NFIA: variants seen among roughly 807,000 people sequenced by gnomAD.
NFIA encodes nuclear factor I A, also known as nuclear factor 1 A-type.
In NFIA, 8 loss-of-function variants were observed where a neutral mutation model predicts 62.8. The observed-to-expected ratio is 0.13, with a 90% CI of 0.07 to 0.23. The LOEUF (loss-of-function observed/expected upper bound fraction) is 0.23, where lower values mean the gene tolerates loss of function less well. Ranked by LOEUF, NFIA falls within the 10% of genes least tolerant of loss-of-function variation. NFIA has a pLI of 1.00. For missense variants in NFIA, 410 were observed against 642.1 expected (o/e 0.64, Z 3.91); for synonymous variants, 235 against 238.1 (o/e 0.99, Z 0.12).
At chr1:61,376,192 A>C (rs1664141957) in intron 6 of NFIA, among the ~76,000 whole-genome samples, 1 of 152,116 alleles carries the variant, frequency 6.6e-6, no homozygotes, top group Admixed American at 6.6e-5. Flanking sequence ...CACATTACTG[A>C]ATTCTAAATA....
At chr1:61,314,927 G>T (rs942384753) in intron 3 of NFIA, among the ~76,000 whole-genome samples, 1 of 152,114 alleles carries the variant, frequency 6.6e-6, no homozygotes, top group Non-Finnish European at 1.5e-5. Context: ...TTTGATATAT[G>T]TTCTGAGTTC....
intron 2 of NFIA, among the ~76,000 whole-genome samples, chr1:61,233,637 A>G (rs1480603906): frequency 6.6e-6 from 1 of 152,174 alleles, no homozygotes; most frequent in African/African-American, 2.4e-5. Flanking sequence ...ACCTTGAACA[A>G]ATTCCTTAAT....
intron 2 of NFIA, among the ~76,000 whole-genome samples, chr1:61,186,835 A>G (rs1004762927): frequency 6.6e-6 from 1 of 152,218 alleles, no homozygotes; most frequent in Non-Finnish European, 1.5e-5. Context: ...CCTTGATTTT[A>G]CAGAGAAGGA....
upstream of NFIA, chr1:61,077,411 C>T (rs1327728338): frequency 2.5e-6 from 1 of 407,752 alleles, no homozygotes; most frequent in Non-Finnish European, 4.4e-6. Flanking sequence ...GGAGAGAGCG[C>T]GCCTTGCAAT....
In NFIA at chr1:61,082,848, G is replaced by C. The variant is rs770328838; in HGVS notation, c.27+30G>C. On this transcript the variant is annotated intron_variant, in intron 1 of 10. Coordinates refer to ENST00000403491, the MANE Select transcript of NFIA (RefSeq NM_001134673.4). Reference sequence around the variant, plus strand: ...GCCGCGGCGTGGATGCGGAGGGCTTGGGGGCCGGGGCGCCGGGGGCAGGGC... The same window carrying C: ...GCCGCGGCGTGGATGCGGAGGGCTTCGGGGCCGGGGCGCCGGGGGCAGGGC... 1.8e-5 allele frequency: 28 copies of C among 1,543,690 alleles called. No individual in the cohort carries two copies. In the South Asian group the frequency reaches 3.1e-4, roughly 17 times the overall value.
At chr1:61,081,882 G>T, upstream of NFIA, 1 of 1,543,094 alleles carries the variant, frequency 6.5e-7, no homozygotes. Flanking sequence ...GAGCCTTACC[G>T]CATTTCAGTG....
intron 2 of NFIA, among the ~76,000 whole-genome samples, chr1:61,240,276 C>T (rs1655266355): frequency 6.6e-6 from 1 of 151,942 alleles, no homozygotes; most frequent in Non-Finnish European, 1.5e-5. Flanking sequence ...TTTTTCAGTG[C>T]CATTGTAAGT....
At chr1:61,337,698 C>T (rs1661686831) in intron 4 of NFIA, among the ~76,000 whole-genome samples, 1 of 152,204 alleles carries the variant, frequency 6.6e-6, no homozygotes. Context: ...ACAAAGCCTT[C>T]TCAAGGCATT....
chr1:61,246,276 A>T (rs12057216), intron 2 of NFIA, among the ~76,000 whole-genome samples: 11,851 of 152,254 alleles, frequency 0.078, 720 homozygotes, highest in East Asian at 0.33. Flanking sequence ...AGTTGCCAAG[A>T]CATAAATATA....
At chr1:61,411,567 C>T (rs1254944998) in intron 9 of NFIA, among the ~76,000 whole-genome samples, 2 of 151,978 alleles carry the variant, frequency 1.3e-5, no homozygotes, top group African/African-American at 4.8e-5. Flanking sequence ...GTGTGCCAAG[C>T]ACTCTTCTTG....
intron 2 of NFIA, among the ~76,000 whole-genome samples, chr1:61,217,956 T>C (rs1026086869): frequency 6.6e-6 from 1 of 152,240 alleles, no homozygotes; most frequent in African/African-American, 2.4e-5. Context: ...AATGAGGTAA[T>C]GCCTAAAAGT....
chr1:61,280,162 A>C (rs774662207), intron 3 of NFIA, among the ~76,000 whole-genome samples: 2 of 152,200 alleles, frequency 1.3e-5, no homozygotes, highest in East Asian at 3.8e-4. Context: ...TTCCTTAAAG[A>C]CACGTAATCC....
At chr1:61,186,245 A>C (rs1397089633) in intron 2 of NFIA, among the ~76,000 whole-genome samples, 1 of 152,190 alleles carries the variant, frequency 6.6e-6, no homozygotes, top group Non-Finnish European at 1.5e-5. Flanking sequence ...TCTGCCATTG[A>C]CTAGTTGTAT....
intron 2 of NFIA, among the ~76,000 whole-genome samples, chr1:61,130,741 C>T (rs1028543411): frequency 1.3e-5 from 2 of 152,150 alleles, no homozygotes; most frequent in Non-Finnish European, 2.9e-5. Context: ...TAAACCTGAG[C>T]TAGACTCAAA....
chr1:61,244,597 T>C (rs1199946587), intron 2 of NFIA, among the ~76,000 whole-genome samples: 1 of 152,204 alleles, frequency 6.6e-6, no homozygotes, highest in African/African-American at 2.4e-5. Flanking sequence ...TAGTACCTTG[T>C]GGTCACCTGG....
intron 2 of NFIA, among the ~76,000 whole-genome samples, chr1:61,129,680 C>T (rs868598945): frequency 2.6e-4 from 40 of 151,708 alleles, no homozygotes; most frequent in Middle Eastern, 3.4e-3. Context: ...GAACTCCTGA[C>T]CTCAAGTGAT....
chr1:61,398,156 G>T (rs1665376235), intron 7 of NFIA, among the ~76,000 whole-genome samples: 1 of 152,202 alleles, frequency 6.6e-6, no homozygotes, highest in South Asian at 2.1e-4. Flanking sequence ...GCGCTCATTT[G>T]TTTATGTAAT....
intron 2 of NFIA, among the ~76,000 whole-genome samples, chr1:61,160,709 G>C (rs542632573): frequency 6.6e-6 from 1 of 152,158 alleles, no homozygotes; most frequent in South Asian, 2.1e-4. Flanking sequence ...GCCCACAAAC[G>C]CTGACTAATG....
At chr1:61,380,160 T>C (rs2100480098) in intron 6 of NFIA, among the ~76,000 whole-genome samples, 1 of 152,286 alleles carries the variant, frequency 6.6e-6, no homozygotes, top group East Asian at 1.9e-4. Context: ...TTTACTCTCA[T>C]TGGGTTTTTT....
Sources: allele counts gnomAD v4.1 joint callset (sites outside exome capture counted in the v4.1 genomes callset), GRCh38; gene constraint gnomAD v4.1.1; transcripts MANE v1.5; gene names NCBI Gene and HGNC (gene_info 2026-07-23, HGNC 2026-07-21).